Variants in KCNQ1 observed in about 807,000 individuals in gnomAD.
The protein encoded by KCNQ1 is potassium voltage-gated channel subfamily KQT member 1.
Under a neutral mutation model 72.4 loss-of-function variants are expected in KCNQ1, and 49 were observed. That is an observed-to-expected ratio of 0.68 (90% CI 0.54 to 0.86). The LOEUF is 0.86. KCNQ1 is among the 40% of genes least tolerant of loss of function. The pLI is 0.00. For missense variants in KCNQ1, 790 were observed against 945.1 expected (o/e 0.84, Z 2.15); for synonymous variants, 450 against 412.6 (o/e 1.09, Z -1.10).
chr11:2,831,145 G>C (rs762891831), intron 15 of KCNQ1, among the ~76,000 whole-genome samples: 1 of 152,198 alleles, frequency 6.6e-6, no homozygotes, highest in African/African-American at 2.4e-5. Flanking sequence ...CAAAGGCGGC[G>C]ATCAATGGGA....
In KCNQ1 at chr11:2,671,077, A is replaced by C. The variant is rs1850175098; in HGVS notation, c.1514+8996A>C. On this transcript the variant is annotated intron_variant, in intron 11 of 15. Transcript: ENST00000155840. This position sits in a 1 kb window ranked among gnomAD's most constrained non-coding sequence, Gnocchi z 4.7. Reference sequence around the variant, plus strand: ...CACACATCCTTGGTAGTGACTGGCTAGCAGGAGGAAGTCTGGCAGTTAGTC... The same window carrying C: ...CACACATCCTTGGTAGTGACTGGCTCGCAGGAGGAAGTCTGGCAGTTAGTC... 2.5e-6 allele frequency: 1 copy of C among 398,514 alleles called. No individual in the cohort carries two copies. The highest frequency in any genetic ancestry group is 2.1e-5 in the African/African-American group (1 of 48,602). The allele number at this position is 398,514 out of a possible 1,614,324, so 24.7% of individuals were successfully genotyped here. A position where few individuals can be genotyped will look rare whatever the true frequency, so the allele number is the denominator to read the frequency against.
intron 15 of KCNQ1, among the ~76,000 whole-genome samples, chr11:2,844,699 CTCTT>C (rs1331120182): frequency 2.0e-5 from 3 of 152,354 alleles, no homozygotes; most frequent in African/African-American, 7.2e-5. Context: ...CACCCACTGT[CTCTT>C]TCTGTCCCAA....
intron 15 of KCNQ1, among the ~76,000 whole-genome samples, chr11:2,846,442 C>T (rs1304207529): frequency 6.6e-6 from 1 of 152,228 alleles, no homozygotes; most frequent in African/African-American, 2.4e-5. Flanking sequence ...CGCTGAGGGG[C>T]TCTCCTGCAA....
intron 15 of KCNQ1, among the ~76,000 whole-genome samples, chr11:2,788,040 G>A (rs138179956): frequency 6.0e-4 from 91 of 152,258 alleles, no homozygotes; most frequent in African/African-American, 2.0e-3. Context: ...ACCCAGGCCA[G>A]CCCCAAGGAA....
rs11600697 is a variant in KCNQ1 at position 2,457,698 on chromosome 11, G to A, written c.386+12214G>A. On this transcript the variant is annotated intron_variant, in intron 1 of 15. Coordinates refer to ENST00000155840, the MANE Select transcript of KCNQ1 (RefSeq NM_000218.3). This position sits in a 1 kb window ranked among gnomAD's most constrained non-coding sequence, Gnocchi z 5.0. The stretch of plus-strand genomic sequence containing the variant: ...TGCTGTGCGCACTACGTGGGAGACC[G>A]GATCGTTTGTACTCCAAACCTCAGC... 4.9e-3 allele frequency among the ~76,000 whole-genome samples: 742 copies of A among 152,066 alleles called. 3 individuals are homozygous for A. The highest frequency in any genetic ancestry group is 0.014 in the Middle Eastern group (4 of 294).
intron 2 of KCNQ1, among the ~76,000 whole-genome samples, chr11:2,555,167 A>G (rs11826219): frequency 0.087 from 13,237 of 152,290 alleles, 1,099 homozygotes; most frequent in African/African-American, 0.22. Context: ...ACTCTCCCCA[A>G]GTCAAAAGAA....
rs773173945 is a variant in KCNQ1, at chr11:2,447,523, G to A, written c.386+2039G>A. 6.6e-6 allele frequency among the ~76,000 whole-genome samples: 1 copy of A among 152,054 alleles called. No homozygotes were observed. The highest frequency in any genetic ancestry group is 2.4e-5 in the African/African-American group (1 of 41,378). ...GGCTTGGTGGGGGCCTGGGAGATGCGCTCCCACCCTCAGTGCCCTAGGAGG... is the reference window on the plus strand; with the variant it reads ...GGCTTGGTGGGGGCCTGGGAGATGCACTCCCACCCTCAGTGCCCTAGGAGG... On this transcript the variant is annotated intron_variant, in intron 1 of 15. Coordinates refer to ENST00000155840, the MANE Select transcript of KCNQ1 (RefSeq NM_000218.3). This position sits in a 1 kb window ranked among gnomAD's most constrained non-coding sequence, Gnocchi z 7.6.
intron 10 of KCNQ1, chr11:2,648,182 G>A: frequency 3.0e-6 from 1 of 338,794 alleles, no homozygotes; most frequent in Non-Finnish European, 5.2e-6. Context: ...TCTAGCCTGG[G>A]TGACAGAGTG....
chr11:2,739,766 C>A (rs138267079), intron 11 of KCNQ1, among the ~76,000 whole-genome samples: 1 of 152,340 alleles, frequency 6.6e-6, no homozygotes, highest in East Asian at 1.9e-4. Context: ...GTGTCCTTGC[C>A]CAGCTGGTAT....
At chr11:2,539,749 T>G (rs1320199386) in intron 2 of KCNQ1, among the ~76,000 whole-genome samples, 1 of 152,216 alleles carries the variant, frequency 6.6e-6, no homozygotes, top group Non-Finnish European at 1.5e-5. Context: ...CCCCCAGGCT[T>G]CTCCATTCGG....
chr11:2,706,105 G>A (rs542730423), intron 11 of KCNQ1, among the ~76,000 whole-genome samples: 2 of 152,232 alleles, frequency 1.3e-5, no homozygotes, highest in Admixed American at 6.5e-5. Flanking sequence ...GGTGGTTTTA[G>A]TATGTGTCTA....
chr11:2,465,932 C>A (rs1301375610), intron 1 of KCNQ1, among the ~76,000 whole-genome samples: 1 of 152,192 alleles, frequency 6.6e-6, no homozygotes, highest in Non-Finnish European at 1.5e-5. Flanking sequence ...CTGGCTGCAC[C>A]TGCCGGGCTC....
At position 2,447,145 on chromosome 11, in the gene KCNQ1, G is replaced by T. The variant is rs372441119; in HGVS notation, c.386+1661G>T. Among the ~76,000 whole-genome samples the T allele has an allele frequency of 3.9e-5, 6 of 152,262 alleles. No individual in the cohort carries two copies. The East Asian group carries it at 5.8e-4, about 15-fold the overall frequency. ...CCGTGTGGAGGAAGAGGAGGAAGAG[G>T]GCTCGCCACGCCCCAGAGGAAGTCT... On this transcript the variant is annotated intron_variant, in intron 1 of 15. Transcript: ENST00000155840. This position sits in a 1 kb window ranked among gnomAD's most constrained non-coding sequence, Gnocchi z 7.6.
intron 11 of KCNQ1, among the ~76,000 whole-genome samples, chr11:2,737,207 T>C (rs1845972715): frequency 1.3e-5 from 2 of 152,150 alleles, no homozygotes; most frequent in East Asian, 1.9e-4. Flanking sequence ...AAGCAGAGGC[T>C]GGATCCCGAG....
At chr11:2,465,690 C>T (rs908052252) in intron 1 of KCNQ1, among the ~76,000 whole-genome samples, 2 of 152,204 alleles carry the variant, frequency 1.3e-5, no homozygotes, top group Non-Finnish European at 2.9e-5. Flanking sequence ...CTGCCTCCCA[C>T]CAGCATGCTT....
chr11:2,536,780 C>T lies in KCNQ1; in HGVS notation c.477+8762C>T, dbSNP rs970755812. ...GCGTGATGGGGGACCCCAGGCTGGGCGGCTTAAACCGTGGAGGTCGCCCTC... is the reference window on the plus strand; with the variant it reads ...GCGTGATGGGGGACCCCAGGCTGGGTGGCTTAAACCGTGGAGGTCGCCCTC... On this transcript the variant is annotated intron_variant, in intron 2 of 15. Coordinates refer to ENST00000155840, the MANE Select transcript of KCNQ1 (RefSeq NM_000218.3). The surrounding 1 kb of genome is among the most constrained non-coding windows in gnomAD (Gnocchi z 7.4). Among the ~76,000 whole-genome samples the T allele has an allele frequency of 4.0e-5, 6 of 150,996 alleles. No homozygotes were observed. Among genetic ancestry groups the T allele is most frequent in the Non-Finnish European group, 5.9e-5 (4 of 68,020 alleles).
chr11:2,551,373 C>T (rs375763561), intron 2 of KCNQ1, among the ~76,000 whole-genome samples: 16 of 152,122 alleles, frequency 1.1e-4, no homozygotes, highest in Non-Finnish European at 1.2e-4. Flanking sequence ...GTAGCCTCTG[C>T]GCCTGGCTTC....
In KCNQ1 at chr11:2,482,097, A is replaced by G. The variant is rs115959494; in HGVS notation, c.386+36613A>G. 0.027 allele frequency among the ~76,000 whole-genome samples: 4,158 copies of G among 152,184 alleles called. 176 individuals carry two copies. The highest frequency in any genetic ancestry group is 0.09 in the African/African-American group (3,734 of 41,482). ...GGAACGATGGGAGCCCTCACCTCGT[A>G]TGGTGGTTTGAGGATTGAATGAACT... On this transcript the variant is annotated intron_variant, in intron 1 of 15. Coordinates refer to ENST00000155840, the MANE Select transcript of KCNQ1 (RefSeq NM_000218.3). This position sits in a 1 kb window ranked among gnomAD's most constrained non-coding sequence, Gnocchi z 5.7.
In KCNQ1 at chr11:2,592,624, G is replaced by A. The variant is rs1412863200; in HGVS notation, c.1393+3770G>A. On this transcript the variant is annotated intron_variant, in intron 10 of 15. Coordinates refer to ENST00000155840, the MANE Select transcript of KCNQ1 (RefSeq NM_000218.3). The surrounding 1 kb of genome is among the most constrained non-coding windows in gnomAD (Gnocchi z 5.2). ...GCGTCACAGACTCCTCATGAAGGAT[G>A]CATGGGGACCCAACCGCATGCCACT... Among the ~76,000 whole-genome samples the A allele has an allele frequency of 6.6e-6, 1 of 152,188 alleles. No homozygotes were observed. Among genetic ancestry groups the A allele is most frequent in the Non-Finnish European group, 1.5e-5 (1 of 68,028 alleles).
Sources: allele counts gnomAD v4.1 joint callset (sites outside exome capture counted in the v4.1 genomes callset), GRCh38; gene constraint gnomAD v4.1.1; non-coding constraint Gnocchi (gnomAD v3.1); transcripts MANE v1.5; gene names NCBI Gene and HGNC (gene_info 2026-07-23, HGNC 2026-07-21).